Variants in KLHL22 observed in about 807,000 individuals in gnomAD.
KLHL22 encodes the protein kelch-like protein 22.
KLHL22 carries 18 observed loss-of-function variants against 60.7 expected under a neutral mutation model. The observed-to-expected ratio is 0.30, with a 90% CI of 0.20 to 0.44. The LOEUF is 0.44. Among genes scored for constraint, KLHL22 ranks in the 20% least tolerant of loss-of-function variants. The probability of loss-of-function intolerance (pLI) is 1.00; values close to 1 mark genes in which losing one functional copy is unlikely to be tolerated. For missense variants in KLHL22, 596 were observed against 852.3 expected, an observed-to-expected ratio of 0.70 and a Z score of 3.74; for synonymous variants, 355 against 354.5, an observed-to-expected ratio of 1.00 and a Z score of -0.01.
chr22:20,483,934 T>G (rs1021566337), intron 2 of KLHL22: 3 of 678,628 alleles, frequency 4.4e-6, no homozygotes, highest in Non-Finnish European at 8.1e-6. Flanking sequence ...CCAGACCCCA[T>G]GCAGCCCTGG....
chr22:20,451,526 T>G, intron 5 of KLHL22: 8 of 1,597,558 alleles, frequency 5.0e-6, no homozygotes, highest in Non-Finnish European at 6.9e-6. Context: ...GGAGTAGCCC[T>G]GCTGAATGAC....
intron 2 of KLHL22, among the ~76,000 whole-genome samples, chr22:20,476,659 C>T (rs1168157297): frequency 3.3e-5 from 5 of 150,340 alleles, no homozygotes; most frequent in African/African-American, 7.3e-5. Context: ...ATGATCCGCC[C>T]GCCTCGGCCT....
At chr22:20,457,141 C>G (rs1202293058) in intron 5 of KLHL22, among the ~76,000 whole-genome samples, 1 of 152,072 alleles carries the variant, frequency 6.6e-6, no homozygotes, top group African/African-American at 2.4e-5. Flanking sequence ...GGTTGTTACA[C>G]CAGGCCTGAG....
chr22:20,474,650 C>T (rs990716790), intron 2 of KLHL22, among the ~76,000 whole-genome samples: 1 of 152,202 alleles, frequency 6.6e-6, no homozygotes, highest in Non-Finnish European at 1.5e-5. Flanking sequence ...CCTCAGCCTC[C>T]CACAGTGCTG....
chr22:20,463,558 C>T (rs1305005017), intron 4 of KLHL22, among the ~76,000 whole-genome samples: 1 of 152,258 alleles, frequency 6.6e-6, no homozygotes, highest in Non-Finnish European at 1.5e-5. Flanking sequence ...CTGTAGGTTA[C>T]TCTCAGCAGG....
chr22:20,458,445 ATTTTTTT>A (rs938534970), intron 4 of KLHL22, among the ~76,000 whole-genome samples: 39 of 90,474 alleles, frequency 4.3e-4, no homozygotes, highest in African/African-American at 5.2e-4. Context: ...AACGCCCGCT[ATTTTTTT>A]TTTTTTTTTT....
intron 5 of KLHL22, among the ~76,000 whole-genome samples, chr22:20,448,632 T>C (rs1479705823): frequency 1.3e-5 from 2 of 152,246 alleles, no homozygotes; most frequent in African/African-American, 4.8e-5. Context: ...TGGCACAATC[T>C]TGGCTCACTG....
intron 2 of KLHL22, among the ~76,000 whole-genome samples, chr22:20,484,799 T>C (rs990009227): frequency 6.6e-6 from 1 of 151,262 alleles, no homozygotes; most frequent in Non-Finnish European, 1.5e-5. Context: ...TGCAGTGGCA[T>C]GATCATGGCT....
At chr22:20,461,521 C>A (rs2053154648) in intron 4 of KLHL22, among the ~76,000 whole-genome samples, 1 of 132,218 alleles carries the variant, frequency 7.6e-6, no homozygotes, top group African/African-American at 3.0e-5. Flanking sequence ...CCACTGCACT[C>A]CAGCCTGGGT....
chr22:20,487,871 C>A (rs1224233163), intron 2 of KLHL22, among the ~76,000 whole-genome samples: 1 of 152,194 alleles, frequency 6.6e-6, no homozygotes, highest in African/African-American at 2.4e-5. Context: ...ATAGGCTCCA[C>A]AGCCTCTGGC....
intron 1 of KLHL22, chr22:20,489,843 C>T (rs762582810): frequency 2.1e-6 from 1 of 469,096 alleles, no homozygotes; most frequent in South Asian, 1.6e-5. Context: ...CCAGGGCCTA[C>T]TTTCCTTTAC....
At chr22:20,445,670 A>G (rs554792020) in intron 6 of KLHL22, among the ~76,000 whole-genome samples, 5 of 152,146 alleles carry the variant, frequency 3.3e-5, no homozygotes, top group African/African-American at 4.8e-5. Flanking sequence ...GAAGCCTCCA[A>G]CTCTGGGCTG....
chr22:20,451,455 T>C (rs878898939), intron 5 of KLHL22: 6 of 1,603,896 alleles, frequency 3.7e-6, no homozygotes, highest in Non-Finnish European at 5.1e-6. Context: ...TTGAGAAATA[T>C]GACCCTCATA....
intron 2 of KLHL22, among the ~76,000 whole-genome samples, chr22:20,479,739 C>G (rs1310621807): frequency 6.6e-6 from 1 of 152,058 alleles, no homozygotes; most frequent in Non-Finnish European, 1.5e-5. Flanking sequence ...CAAGCTTTAG[C>G]AAGGATGTGG....
chr22:20,483,759 A>G, intron 2 of KLHL22: 1 of 738,122 alleles, frequency 1.4e-6, no homozygotes, highest in Non-Finnish European at 2.5e-6. Context: ...CTTCTTCTCC[A>G]AGTGCTTCTG....
intron 1 of KLHL22, chr22:20,492,074 G>A (rs1257793004): frequency 1.3e-5 from 2 of 152,100 alleles, no homozygotes; most frequent in Non-Finnish European, 2.9e-5. Context: ...CACACACCCT[G>A]CTCGAGCCCA....
chr22:20,486,009 A>T (rs1345393257), intron 2 of KLHL22, among the ~76,000 whole-genome samples: 1 of 151,594 alleles, frequency 6.6e-6, no homozygotes, highest in African/African-American at 2.4e-5. Flanking sequence ...TCTACTAAAA[A>T]TACAAAAAAT....
chr22:20,492,093 T>G (rs1220841535), intron 1 of KLHL22: 1 of 152,212 alleles, frequency 6.6e-6, no homozygotes, highest in Non-Finnish European at 1.5e-5. Flanking sequence ...CATCCTTCTT[T>G]CCCAGTGGTT....
At chr22:20,483,375 G>A (rs1015932049) in intron 2 of KLHL22, 4 of 783,710 alleles carry the variant, frequency 5.1e-6, no homozygotes, top group Admixed American at 1.7e-5. Context: ...TCTTGGCAAG[G>A]TCCTGAGATT....
Sources: gnomAD v4.1 joint callset for allele counts (sites outside exome capture counted in the v4.1 genomes callset) on GRCh38, gnomAD v4.1.1 for gene constraint, MANE v1.5 for transcripts, NCBI Gene and HGNC (gene_info 2026-07-23, HGNC 2026-07-21) for gene names.